OSTF1: variants seen among roughly 807,000 people sequenced by gnomAD.
OSTF1 encodes osteoclast stimulating factor 1.
A neutral mutation model predicts 37.2 loss-of-function variants in OSTF1; 27 were observed. That is an observed-to-expected ratio of 0.73 (90% CI 0.54 to 1.00). The LOEUF is 1.00. OSTF1 is among the 50% of genes least tolerant of loss of function. OSTF1 has a pLI of 0.00. For missense variants in OSTF1, 232 were observed against 253.8 expected, an observed-to-expected ratio of 0.91 and a Z score of 0.58; for synonymous variants, 82 against 89.2, an observed-to-expected ratio of 0.92 and a Z score of 0.46.
rs1228636236 is a variant in OSTF1, at chr9:75,134,355, A to G, written c.368A>G (p.Glu123Gly). Residue 123 changes from glutamate to glycine, a missense_variant, in exon 7 of 10, where the codon GAA (glutamate) becomes GGA (glycine). By Grantham distance (98) the Glu-to-Gly change is moderately conservative. Coordinates refer to ENST00000346234, the MANE Select transcript of OSTF1 (RefSeq NM_012383.5). ...TCTCTTTGAATTTCAGATATAGTGG[A>G]AATGCTATTTACTCAACCAAATATT... The part of the protein sequence containing the change: ...ACHGGHKDIV[E>G]MLFTQPNIEL... 6.4e-7 allele frequency: 1 copy of G among 1,561,624 alleles called. No individual in the cohort carries two copies. Among genetic ancestry groups the G allele is most frequent in the Non-Finnish European group, 8.8e-7 (1 of 1,138,102 alleles).
At chr9:75,119,695 G>A (rs1435822197) in intron 2 of OSTF1, among the ~76,000 whole-genome samples, 1 of 152,116 alleles carries the variant, frequency 6.6e-6, no homozygotes, top group Non-Finnish European at 1.5e-5. Context: ...CGCTGGGCAC[G>A]GTGGCTCACG....
intron 1 of OSTF1, among the ~76,000 whole-genome samples, chr9:75,107,120 T>G (rs1825301951): frequency 6.6e-6 from 1 of 151,982 alleles, no homozygotes; most frequent in South Asian, 2.1e-4. Context: ...GGGGAGCCTG[T>G]GTTGGCCCAA....
intron 8 of OSTF1, among the ~76,000 whole-genome samples, chr9:75,140,347 A>G (rs1825919830): frequency 6.6e-6 from 1 of 152,240 alleles, no homozygotes; most frequent in Admixed American, 6.5e-5. Context: ...TTTTGAACAC[A>G]ATAAAGGCAA....
chr9:75,104,938 A>G (rs969331089), intron 1 of OSTF1, among the ~76,000 whole-genome samples: 1 of 152,204 alleles, frequency 6.6e-6, no homozygotes, highest in Non-Finnish European at 1.5e-5. Context: ...TTCCCCAGCT[A>G]TAAAATAGGG....
intron 1 of OSTF1, among the ~76,000 whole-genome samples, chr9:75,091,419 A>C (rs1824973409): frequency 6.6e-6 from 1 of 152,076 alleles, no homozygotes; most frequent in Non-Finnish European, 1.5e-5. Context: ...CTCCATTCAC[A>C]CTGGCGGTCA....
chr9:75,124,136 A>AT (rs1450076351), intron 2 of OSTF1, among the ~76,000 whole-genome samples: 1 of 152,206 alleles, frequency 6.6e-6, no homozygotes, highest in Admixed American at 6.5e-5. Context: ...CATTTAAAAA[A>AT]TTTTTAATTC....
chr9:75,095,665 TC>T (rs1825068345), intron 1 of OSTF1, among the ~76,000 whole-genome samples: 1 of 152,196 alleles, frequency 6.6e-6, no homozygotes, highest in Admixed American at 6.5e-5. Context: ...CAGATAATTT[TC>T]TCTGAATAAA....
intron 1 of OSTF1, among the ~76,000 whole-genome samples, chr9:75,104,345 G>T (rs1203580170): frequency 1.3e-5 from 2 of 152,146 alleles, no homozygotes; most frequent in Non-Finnish European, 2.9e-5. Context: ...AGGAGCTCAA[G>T]ACCAGCCTGG....
chr9:75,127,547 C>G (rs1026494436), intron 2 of OSTF1, 22 bp from the exon 3 acceptor site: 3 of 1,465,496 alleles, frequency 2.0e-6, no homozygotes, highest in Non-Finnish European at 2.8e-6. Context: ...CACATGGAGT[C>G]AAACTTTTTT....
chr9:75,095,044 A>G (rs770571133), intron 1 of OSTF1, among the ~76,000 whole-genome samples: 1 of 152,192 alleles, frequency 6.6e-6, no homozygotes, highest in African/African-American at 2.4e-5. Flanking sequence ...AAACAAACAA[A>G]CAATACAACA....
At chr9:75,110,929 A>G (rs1427179051) in intron 1 of OSTF1, among the ~76,000 whole-genome samples, 2 of 152,008 alleles carry the variant, frequency 1.3e-5, no homozygotes, top group East Asian at 3.9e-4. Context: ...TGTGTTGCCC[A>G]TGCTGGTCTT....
chr9:75,127,640 G>A (rs1015921869), intron 3 of OSTF1, 21 bp downstream of exon 3: 4 of 1,339,428 alleles, frequency 3.0e-6, no homozygotes, highest in Non-Finnish European at 4.2e-6. Context: ...ATAACATCTT[G>A]TAATACCACA....
In OSTF1 at chr9:75,095,993, G is replaced by A. The variant is rs1284788170; in HGVS notation, c.34+7267G>A. On this transcript the variant is annotated intron_variant, in intron 1 of 9. Transcript: ENST00000346234. ...TGCAACCTCCGCCTCCCGGGTTCAC[G>A]CCATTCTCCTGCCTCAGCCTCCTGA... Among the ~76,000 whole-genome samples, 5 of 151,844 alleles carry A rather than the reference G, an allele frequency of 3.3e-5. No individual in the cohort carries two copies. The East Asian group carries it at 9.7e-4, about 29-fold the overall frequency.
chr9:75,136,252 A>G (rs1320033932), intron 7 of OSTF1, among the ~76,000 whole-genome samples: 2 of 152,130 alleles, frequency 1.3e-5, no homozygotes, highest in Admixed American at 1.3e-4. Context: ...CTGATATAAT[A>G]TTTATAACTT....
intron 1 of OSTF1, among the ~76,000 whole-genome samples, chr9:75,091,041 G>A (rs970019800): frequency 1.3e-5 from 2 of 151,346 alleles, no homozygotes; most frequent in Non-Finnish European, 2.9e-5. Flanking sequence ...GATGTAGCAG[G>A]CAGTATTAAA....
chr9:75,101,280 G>A (rs1825188893), intron 1 of OSTF1, among the ~76,000 whole-genome samples: 1 of 152,198 alleles, frequency 6.6e-6, no homozygotes, highest in Non-Finnish European at 1.5e-5. Context: ...AGGTCACCAG[G>A]CAAGCCACTT....
intron 1 of OSTF1, among the ~76,000 whole-genome samples, chr9:75,106,092 G>A (rs1825278689): frequency 6.6e-6 from 1 of 152,144 alleles, no homozygotes; most frequent in South Asian, 2.1e-4. Flanking sequence ...TTCTTTTTTG[G>A]ATTGGATAGG....
chr9:75,131,826 A>T lies in OSTF1; in HGVS notation c.250+3A>T. On this transcript the variant is annotated splice_donor_region_variant and intron_variant, in intron 5 of 9. Coordinates refer to ENST00000346234, the MANE Select transcript of OSTF1 (RefSeq NM_012383.5). Reference sequence around the variant, plus strand: ...ATTGCATGAAGCAGCAAAAAGAGGTAGGTGTGATTCTTTTTGACTGAGGTA... The same window carrying T: ...ATTGCATGAAGCAGCAAAAAGAGGTTGGTGTGATTCTTTTTGACTGAGGTA... The T allele has an allele frequency of 6.2e-7, 1 of 1,610,924 alleles. No homozygotes were observed. Among genetic ancestry groups the T allele is most frequent in the East Asian group, 2.2e-5 (1 of 44,842 alleles).
intron 1 of OSTF1, among the ~76,000 whole-genome samples, chr9:75,103,668 C>T (rs775750701): frequency 6.6e-6 from 1 of 152,112 alleles, no homozygotes; most frequent in African/African-American, 2.4e-5. Flanking sequence ...GCTGGAGTGC[C>T]GGAGTGCCAG....
Sources: gnomAD v4.1 joint callset for allele counts (sites outside exome capture counted in the v4.1 genomes callset) on GRCh38, gnomAD v4.1.1 for gene constraint, MANE v1.5 for transcripts, NCBI Gene and HGNC (gene_info 2026-07-23, HGNC 2026-07-21) for gene names.